Variants in CFAP299 observed in about 807,000 individuals in gnomAD.
CFAP299 encodes cilia and flagella associated protein 299, also known as cilia- and flagella-associated protein 299.
A neutral mutation model predicts 27.0 loss-of-function variants in CFAP299; 21 were observed. That is an observed-to-expected ratio of 0.78 (90% CI 0.55 to 1.12). The LOEUF (loss-of-function observed/expected upper bound fraction) is 1.12. Among genes scored for constraint, CFAP299 ranks in the 50% most tolerant of loss-of-function variants. The probability of loss-of-function intolerance (pLI) is 0.00; values close to 1 mark genes in which losing one functional copy is unlikely to be tolerated. For missense variants in CFAP299, 310 were observed against 276.6 expected (o/e 1.12, Z -0.86); for synonymous variants, 104 against 98.1 (o/e 1.06, Z -0.36).
At position 80,891,771 on chromosome 4, in the gene CFAP299, A is replaced by AT. The variant is rs1346710656; in HGVS notation, c.476+21636_476+21637insT. ...CCTAAAACTTAGAGTATAATAAAAA[A>AT]AAAAATTAAAAAAAAAATAAAAAAA... is the stretch of plus-strand genomic sequence containing the variant. On this transcript the variant is annotated intron_variant, in intron 4 of 5. Coordinates refer to ENST00000358105, the MANE Select transcript of CFAP299 (RefSeq NM_152770.3). Among the ~76,000 whole-genome samples, 198 of 114,450 alleles carry AT rather than the reference A, an allele frequency of 1.7e-3. 1 individual carries two copies. Among genetic ancestry groups the AT allele is most frequent in the African/African-American group, 9.3e-3 (188 of 20,140 alleles). The allele number at this position is 114,450 out of a possible 152,430, so 75.1% of individuals were successfully genotyped here.
intron 3 of CFAP299, among the ~76,000 whole-genome samples, chr4:80,612,155 CG>C (rs1228366895): frequency 6.6e-6 from 1 of 151,868 alleles, no homozygotes; most frequent in Non-Finnish European, 1.5e-5. Flanking sequence ...AGCAAACCAT[CG>C]TGTTTTATTT....
chr4:80,738,668 T>A (rs1364876732), intron 3 of CFAP299, among the ~76,000 whole-genome samples: 3 of 151,866 alleles, frequency 2.0e-5, no homozygotes, highest in African/African-American at 4.8e-5. Flanking sequence ...GGGTCTTTTT[T>A]TTTTTTAACC....
At chr4:80,875,516 T>C (rs1011361223) in intron 4 of CFAP299, among the ~76,000 whole-genome samples, 4 of 151,908 alleles carry the variant, frequency 2.6e-5, no homozygotes, top group African/African-American at 9.7e-5. Flanking sequence ...AAAAAAAAAT[T>C]AGCTGGCCAT....
intron 2 of CFAP299, among the ~76,000 whole-genome samples, chr4:80,475,886 G>A (rs1362181893): frequency 3.3e-5 from 5 of 152,184 alleles, no homozygotes; most frequent in Non-Finnish European, 7.4e-5. Context: ...CTAGGAAAGG[G>A]ACTGAGAAAA....
intron 5 of CFAP299, among the ~76,000 whole-genome samples, chr4:80,950,802 A>G (rs1737739252): frequency 6.6e-6 from 1 of 152,178 alleles, no homozygotes; most frequent in African/African-American, 2.4e-5. Flanking sequence ...GTACTTTTCA[A>G]AAATACCCTG....
intron 3 of CFAP299, among the ~76,000 whole-genome samples, chr4:80,646,371 C>T (rs1461588116): frequency 6.6e-6 from 1 of 152,124 alleles, no homozygotes; most frequent in East Asian, 1.9e-4. Context: ...CAGTGCTGGC[C>T]TCCTGTATCC....
chr4:80,361,885 T>C (rs754645570), intron 1 of CFAP299, among the ~76,000 whole-genome samples: 5 of 152,088 alleles, frequency 3.3e-5, no homozygotes, highest in Non-Finnish European at 7.4e-5. Flanking sequence ...ATAAAATAGA[T>C]TCTGTTTTCA....
intron 3 of CFAP299, among the ~76,000 whole-genome samples, chr4:80,771,917 G>T (rs1177354350): frequency 1.3e-5 from 2 of 152,136 alleles, no homozygotes; most frequent in Non-Finnish European, 2.9e-5. Flanking sequence ...GTTATTCTTT[G>T]CTGAACGATG....
At chr4:80,944,743 C>A in intron 4 of CFAP299, 67 bp from the exon 5 acceptor site, 1 of 1,223,390 alleles carries the variant, frequency 8.2e-7, no homozygotes, top group Non-Finnish European at 1.1e-6. Context: ...CCAAATAGTT[C>A]TTAAACTATA....
chr4:80,915,957 C>T (rs115671191), intron 4 of CFAP299, among the ~76,000 whole-genome samples: 3,315 of 151,420 alleles, frequency 0.022, 99 homozygotes, highest in African/African-American at 0.074. Flanking sequence ...AGTATATTTC[C>T]GTTAATTAAT....
At chr4:80,959,426 T>C (rs1412229423) in intron 5 of CFAP299, among the ~76,000 whole-genome samples, 1 of 152,000 alleles carries the variant, frequency 6.6e-6, no homozygotes. Context: ...CTGATAAATA[T>C]AGAAAAATCT....
At chr4:80,715,867 C>T (rs1416650934) in intron 3 of CFAP299, among the ~76,000 whole-genome samples, 1 of 151,960 alleles carries the variant, frequency 6.6e-6, no homozygotes, top group Non-Finnish European at 1.5e-5. Flanking sequence ...AAATGTAGAG[C>T]AGTGTTCAAA....
chr4:80,656,973 C>T (rs567963707), intron 3 of CFAP299, among the ~76,000 whole-genome samples: 134 of 152,226 alleles, frequency 8.8e-4, no homozygotes, highest in African/African-American at 2.9e-3. Context: ...TCTCTAGTGA[C>T]CTGTGATGAT....
At chr4:80,406,332 A>C (rs558068584) in intron 2 of CFAP299, among the ~76,000 whole-genome samples, 1 of 152,148 alleles carries the variant, frequency 6.6e-6, no homozygotes, top group African/African-American at 2.4e-5. Flanking sequence ...TGTCAGATTC[A>C]TACTCTATCC....
intron 2 of CFAP299, among the ~76,000 whole-genome samples, chr4:80,490,903 A>G (rs924694139): frequency 1.3e-5 from 2 of 152,110 alleles, no homozygotes; most frequent in African/African-American, 4.8e-5. Context: ...TTTGATTTCT[A>G]CAGTATTTCT....
intron 3 of CFAP299, among the ~76,000 whole-genome samples, chr4:80,594,611 AT>A (rs1165802738): frequency 6.6e-6 from 1 of 152,010 alleles, no homozygotes; most frequent in Non-Finnish European, 1.5e-5. Context: ...ATACCATTTT[AT>A]TTTTTTAATC....
chr4:80,338,232 T>A (rs552609747), intron 1 of CFAP299, among the ~76,000 whole-genome samples: 1 of 152,170 alleles, frequency 6.6e-6, no homozygotes, highest in African/African-American at 2.4e-5. Flanking sequence ...ATTATATATA[T>A]TGTGGAATGG....
intron 3 of CFAP299, among the ~76,000 whole-genome samples, chr4:80,796,386 C>A (rs1418902133): frequency 6.6e-6 from 1 of 152,144 alleles, no homozygotes; most frequent in Non-Finnish European, 1.5e-5. Context: ...ATCCAATCAG[C>A]ACAATTTCAT....
In CFAP299 at chr4:80,827,451, T is replaced by C. The variant is rs575422650; in HGVS notation, c.334-42542T>C. On this transcript the variant is annotated intron_variant, in intron 3 of 5. Coordinates refer to ENST00000358105, the MANE Select transcript of CFAP299 (RefSeq NM_152770.3). The stretch of plus-strand genomic sequence containing the variant: ...AATGTAGTACATCACATTAACAGAA[T>C]GAAGAAAAAAATCATATGGCCATCT... Among the ~76,000 whole-genome samples, 17 of 151,756 alleles carry C rather than the reference T, an allele frequency of 1.1e-4. No homozygotes were observed. In the South Asian group the frequency reaches 3.5e-3, roughly 32 times the overall value.
Sources: allele counts gnomAD v4.1 joint callset (sites outside exome capture counted in the v4.1 genomes callset), GRCh38; gene constraint gnomAD v4.1.1; transcripts MANE v1.5; gene names NCBI Gene and HGNC (gene_info 2026-07-23, HGNC 2026-07-21).